The following PNPT1 variants were observed in gnomAD, a reference collection of about 807,000 sequenced individuals.
PNPT1 encodes the protein polyribonucleotide nucleotidyltransferase 1, also known as polyribonucleotide nucleotidyltransferase 1, mitochondrial.
A neutral mutation model predicts 119.5 loss-of-function variants in PNPT1; 53 were observed. The observed-to-expected ratio is 0.44, with a 90% CI of 0.36 to 0.56. PNPT1 has a LOEUF of 0.56. Among genes scored for constraint, PNPT1 ranks in the 20% least tolerant of loss-of-function variants. PNPT1 has a pLI of 0.00. For missense variants in PNPT1, 948 were observed against 938.5 expected (o/e 1.01, Z -0.13); for synonymous variants, 357 against 322.1 (o/e 1.11, Z -1.16).
rs756185989 is a variant in PNPT1 at position 55,685,040 on chromosome 2, G to A, written c.306C>T (p.Tyr102=). 2 of 1,583,682 alleles carry A rather than the reference G, an allele frequency of 1.3e-6. No individual in the cohort carries two copies. The highest frequency in any genetic ancestry group is 1.1e-5 in the South Asian group (1 of 88,040). The change falls in exon 4 of 28, where the codon TAC becomes TAT. Residue 102 remains tyrosine (Y), a synonymous_variant. Coordinates refer to ENST00000447944, the MANE Select transcript of PNPT1 (RefSeq NM_033109.5). ...PSQFMPLVVD[Y]RQKAAAAGRI... is the part of the protein sequence containing the mutation. Reference sequence around the variant, plus strand: ...TACCTGCTGCAGCAGCTTTTTGTCTGTAGTCAACCTGAAGCAGCAATAAAA... The same window carrying A: ...TACCTGCTGCAGCAGCTTTTTGTCTATAGTCAACCTGAAGCAGCAATAAAA...
rs1340279242 is a variant in PNPT1 at position 55,636,368 on chromosome 2, C to G, written c.2221G>C (p.Ala741Pro). The change falls in exon 28 of 28, where the codon GCC becomes CCC. Residue 741 changes from alanine to proline, a missense_variant. Transcript: ENST00000447944. ...CGAGAAAGCCTCATTCTTCCATCGG[C>G]TGGGTCACGTCCAAAGTATTTCACC... ...IQVKYFGRDP[A>P]DGRMRLSRKV... 7 of 1,614,082 alleles carry G rather than the reference C, an allele frequency of 4.3e-6. No homozygotes were observed. Among genetic ancestry groups the G allele is most frequent in the Non-Finnish European group, 5.9e-6 (7 of 1,179,982 alleles).
intron 11 of PNPT1, 142 bp downstream of exon 11, chr2:55,671,177 T>G: frequency 2.2e-6 from 1 of 455,610 alleles, no homozygotes; most frequent in Admixed American, 4.3e-5. Flanking sequence ...AGCTGTAAAG[T>G]TGAAAGTCCT....
chr2:55,683,885 C>CTAA (rs768072836), intron 4 of PNPT1, 51 bp from the exon 5 acceptor site: 5 of 1,562,910 alleles, frequency 3.2e-6, no homozygotes, highest in Middle Eastern at 1.7e-4. Context: ...AGTTGCTTTA[C>CTAA]AGTTCAAAAC....
Position 55,672,881 on chromosome 2 carries a change from A to G in PNPT1, c.866+12T>C. ...GACAATTTCATATTTTCATTTGCAC[A>G]GATGTTCTTACTTATGAGTATATTT... is the stretch of plus-strand genomic sequence containing the variant. On this transcript the variant is annotated intron_variant, in intron 9 of 27. Transcript: ENST00000447944. The G allele has an allele frequency of 1.3e-6, 2 of 1,575,400 alleles. No homozygotes were observed. Among genetic ancestry groups the G allele is most frequent in the Non-Finnish European group, 1.7e-6 (2 of 1,165,816 alleles).
At chr2:55,673,923 A>T (rs971218112) in intron 8 of PNPT1, among the ~76,000 whole-genome samples, 1 of 150,642 alleles carries the variant, frequency 6.6e-6, no homozygotes, top group Non-Finnish European at 1.5e-5. Context: ...GGGTTTTGCC[A>T]TGTTGCCCAG....
chr2:55,675,060 G>T (rs1226295804), intron 8 of PNPT1, among the ~76,000 whole-genome samples: 1 of 152,002 alleles, frequency 6.6e-6, no homozygotes, highest in Non-Finnish European at 1.5e-5. Context: ...CAGGAGTCTG[G>T]GACCAGGCTG....
chr2:55,647,554 C>G (rs1696041207), intron 18 of PNPT1, 101 bp from the exon 19 acceptor site: 3 of 790,148 alleles, frequency 3.8e-6, no homozygotes, highest in Non-Finnish European at 5.9e-6. Context: ...GAGTCTCGGT[C>G]TGTTGCCCAG....
rs545932442 is a variant in PNPT1 at position 55,643,359 on chromosome 2, T to C, written c.1973A>G (p.His658Arg). 18 of 1,614,246 alleles carry C rather than the reference T, an allele frequency of 1.1e-5. No homozygotes were observed. The South Asian group carries it at 1.6e-4, about 15-fold the overall frequency. Reference sequence around the variant, plus strand: ...TTCAGTAATGAAGTCTCTTGCCTCATGCATAGCACTGGGTGTTGGTGCAAA... The same window carrying C: ...TTCAGTAATGAAGTCTCTTGCCTCACGCATAGCACTGGGTGTTGGTGCAAA... ...SVFAPTPSAMHEARDFITEIC... is the reference protein window; with the variant it reads ...SVFAPTPSAMREARDFITEIC... Residue 658 changes from histidine to arginine, a missense_variant, in exon 24 of 28, where the codon CAT becomes CGT. By Grantham distance (29) the His-to-Arg change is conservative. Transcript: ENST00000447944.
At chr2:55,653,145 G>C (rs1696266184) in intron 18 of PNPT1, among the ~76,000 whole-genome samples, 1 of 152,174 alleles carries the variant, frequency 6.6e-6, no homozygotes, top group Non-Finnish European at 1.5e-5. Flanking sequence ...ACTGTGCCTG[G>C]CCCCTTTCCT....
intron 4 of PNPT1, among the ~76,000 whole-genome samples, chr2:55,684,324 G>C (rs7575906): frequency 6.6e-6 from 1 of 152,018 alleles, no homozygotes; most frequent in Non-Finnish European, 1.5e-5. Context: ...ACCCCATCTT[G>C]ACTAAAAATA....
Position 55,643,379 on chromosome 2 carries a change from T to C in PNPT1, c.1953A>G (p.Ala651=), listed in dbSNP as rs944045627. ...QVDEETFSVF[A]PTPSAMHEAR... ...CCTCATGCATAGCACTGGGTGTTGG[T>C]GCAAATACAGAAAACGTTTCTTCAT... Residue 651 remains alanine (A), a synonymous_variant, in exon 24 of 28, where the codon GCA becomes GCG. Transcript: ENST00000447944. The C allele has an allele frequency of 6.2e-7, 1 of 1,614,194 alleles. No homozygotes were observed.
Position 55,662,044 on chromosome 2 carries a change from T to C in PNPT1, c.1177-18A>G. ...CAAAGCACCTAAAAAAGAAAAAGAA[T>C]TCCTCAGGCTTTAATATACTAACCA... On this transcript the variant is annotated intron_variant, in intron 13 of 27. Transcript: ENST00000447944. The C allele has an allele frequency of 6.5e-7, 1 of 1,536,088 alleles. No homozygotes were observed. Among genetic ancestry groups the C allele is most frequent in the South Asian group, 1.3e-5 (1 of 78,394 alleles).
rs1325404219 is a variant in PNPT1 at position 55,687,680 on chromosome 2, G to A, written c.187C>T (p.Leu63=). ...GCAGAGCCATCTGCAAATCTGGCCA[G>A]CTTTCCAGAAGATATTTCTAATTTC... The part of the protein sequence containing the change: ...NRKLEISSGK[L]ARFADGSAVV... The change falls in exon 2 of 28, where the codon CTG becomes TTG. Residue 63 remains leucine, a synonymous_variant. Coordinates refer to ENST00000447944, the MANE Select transcript of PNPT1 (RefSeq NM_033109.5). 6.2e-7 allele frequency: 1 copy of A among 1,600,582 alleles called. No individual in the cohort carries two copies. The highest frequency in any genetic ancestry group is 8.5e-7 in the Non-Finnish European group (1 of 1,175,510).
chr2:55,647,158 A>T lies in PNPT1; in HGVS notation c.1602+189T>A, dbSNP rs72930831. Reference sequence around the variant, plus strand: ...CTATTTTAAATTCATATCCTATAAGATACAAGGTGAACATGCAGAGGAGGA... The same window carrying T: ...CTATTTTAAATTCATATCCTATAAGTTACAAGGTGAACATGCAGAGGAGGA... On this transcript the variant is annotated intron_variant, in intron 19 of 27. Coordinates refer to ENST00000447944, the MANE Select transcript of PNPT1 (RefSeq NM_033109.5). 0.024 allele frequency among the ~76,000 whole-genome samples: 3,630 copies of T among 152,196 alleles called. 146 individuals are homozygous for T. The highest frequency in any genetic ancestry group is 0.082 in the African/African-American group (3,417 of 41,500).
intron 12 of PNPT1, 119 bp downstream of exon 12, chr2:55,667,740 ATAT>A (rs1313443952): frequency 7.7e-7 from 1 of 1,294,510 alleles, no homozygotes. Context: ...TATATAGCAA[ATAT>A]TATAATTCTT....
At chr2:55,684,465 A>G (rs974632468) in intron 4 of PNPT1, among the ~76,000 whole-genome samples, 1 of 152,210 alleles carries the variant, frequency 6.6e-6, no homozygotes, top group Non-Finnish European at 1.5e-5. Flanking sequence ...CTCTGTCTCA[A>G]AAAAAAGCAA....
At chr2:55,684,823 T>G in intron 4 of PNPT1, 120 bp downstream of exon 4, 1 of 1,237,598 alleles carries the variant, frequency 8.1e-7, no homozygotes, top group South Asian at 2.6e-5. Context: ...GTGAATAATC[T>G]TAGGTGGTGT....
chr2:55,687,574 T>A, intron 2 of PNPT1, 71 bp downstream of exon 2: 1 of 1,088,378 alleles, frequency 9.2e-7, no homozygotes, highest in Non-Finnish European at 1.3e-6. Context: ...TACACGATGT[T>A]GTAGTTACAC....
intron 19 of PNPT1, 70 bp from the exon 20 acceptor site, chr2:55,646,556 C>T: frequency 1.5e-6 from 2 of 1,305,436 alleles, no homozygotes; most frequent in Non-Finnish European, 2.1e-6. Flanking sequence ...ACTGTAGAAA[C>T]ATTTCAAAAA....
Sources: allele counts gnomAD v4.1 joint callset (sites outside exome capture counted in the v4.1 genomes callset), GRCh38; gene constraint gnomAD v4.1.1; transcripts MANE v1.5; gene names NCBI Gene and HGNC (gene_info 2026-07-23, HGNC 2026-07-21).